Variants in NAE1 observed in about 807,000 individuals in gnomAD.
NAE1 encodes NEDD8 activating enzyme E1 subunit 1.
A neutral mutation model predicts 88.0 loss-of-function variants in NAE1; 59 were observed. The ratio of observed to expected loss-of-function variants is 0.67; its 90% CI spans 0.54 to 0.83. The LOEUF (loss-of-function observed/expected upper bound fraction) is 0.83, where lower values mean the gene tolerates loss of function less well. NAE1 is among the 40% of genes least tolerant of loss of function. NAE1 has a pLI of 0.00. For synonymous variants in NAE1, 186 were observed against 208.9 expected, an observed-to-expected ratio of 0.89 and a Z score of 0.95; for missense variants, 554 against 632.8, an observed-to-expected ratio of 0.88 and a Z score of 1.34.
At chr16:66,821,056 C>A (rs560075416) in intron 7 of NAE1, among the ~76,000 whole-genome samples, 1 of 151,946 alleles carries the variant, frequency 6.6e-6, no homozygotes, top group Admixed American at 6.6e-5. Context: ...GCAACAAGAG[C>A]GAAACTCTGT....
rs945048119 is a variant in NAE1, at chr16:66,805,936, A to G, written c.1421T>C (p.Val474Ala). Residue 474 changes from valine to alanine, a missense_variant, in exon 18 of 20, where the codon GTG becomes GCG. Transcript: ENST00000290810. The part of the protein sequence containing the change: ...FLQEYGLSVM[V>A]KDDYVHEFCR... ...CAATTCGTGGACATAATCATCTTTC[A>G]CCATTACAGATAAACCATATTCCTG... 3 of 1,612,336 alleles carry G rather than the reference A, an allele frequency of 1.9e-6. No individual in the cohort carries two copies. The highest frequency in any genetic ancestry group is 2.5e-6 in the Non-Finnish European group (3 of 1,179,508).
chr16:66,804,242 C>A (rs200814110), intron 19 of NAE1, among the ~76,000 whole-genome samples: 77 of 140,944 alleles, frequency 5.5e-4, no homozygotes, highest in Non-Finnish European at 6.9e-4. Context: ...AAGTAAAAAA[C>A]AAAAAAAAAA....
Position 66,818,518 on chromosome 16 carries a change from C to T in NAE1, c.621+10G>A, listed in dbSNP as rs1960138050. Reference sequence around the variant, plus strand: ...CTATCTGTAAATGTAAGGTCACACACACTACCAACCTTTTTTTCCATATGA... The same window carrying T: ...CTATCTGTAAATGTAAGGTCACACATACTACCAACCTTTTTTTCCATATGA... On this transcript the variant is annotated intron_variant, in intron 8 of 19. Coordinates refer to ENST00000290810, the MANE Select transcript of NAE1 (RefSeq NM_003905.4). The T allele has an allele frequency of 1.2e-6, 2 of 1,600,356 alleles. No homozygotes were observed. The highest frequency in any genetic ancestry group is 1.7e-5 in the Admixed American group (1 of 57,422).
intron 1 of NAE1, chr16:66,828,138 G>C (rs1960538554): frequency 8.2e-7 from 1 of 1,215,284 alleles, no homozygotes; most frequent in Non-Finnish European, 1.2e-6. Context: ...GCACGTAGAA[G>C]ACACCTGACA....
Position 66,803,659 on chromosome 16 carries a change from C to T in NAE1, c.1496-541G>A, listed in dbSNP as rs546459363. Among the ~76,000 whole-genome samples the T allele has an allele frequency of 9.2e-5, 14 of 151,396 alleles. No individual in the cohort carries two copies. The East Asian group carries it at 1.9e-3, about 21-fold the overall frequency. On this transcript the variant is annotated intron_variant, in intron 19 of 19. Transcript: ENST00000290810. ...AGGCTGGAGTGCAGTGGCGTGATCT[C>T]GGCTCACTGCAACCTCCTCCTCCCA...
intron 11 of NAE1, among the ~76,000 whole-genome samples, chr16:66,814,272 T>C (rs1051387223): frequency 6.6e-6 from 1 of 152,168 alleles, no homozygotes. Flanking sequence ...AGTAATTTTA[T>C]TGCTAGCAAG....
intron 15 of NAE1, among the ~76,000 whole-genome samples, chr16:66,809,815 C>T (rs1235738771): frequency 6.6e-6 from 1 of 152,052 alleles, no homozygotes; most frequent in Non-Finnish European, 1.5e-5. Flanking sequence ...GCAGTAGCTA[C>T]AGGGAGAAAT....
chr16:66,803,219 G>GT, intron 19 of NAE1, 101 bp from the exon 20 acceptor site: 1 of 754,646 alleles, frequency 1.3e-6, no homozygotes, highest in Non-Finnish European at 2.2e-6. Context: ...AAGCAAAGGT[G>GT]TTTTAAAGTG....
chr16:66,804,805 C>T (rs1672489507), intron 19 of NAE1, among the ~76,000 whole-genome samples: 1 of 117,062 alleles, frequency 8.5e-6, no homozygotes, highest in Non-Finnish European at 1.7e-5. Flanking sequence ...AGAGACTTCT[C>T]TTGCCATTTT....
intron 6 of NAE1, among the ~76,000 whole-genome samples, chr16:66,821,954 C>T (rs754939171): frequency 3.3e-4 from 50 of 152,212 alleles, no homozygotes; most frequent in South Asian, 6.2e-4. Context: ...ACTGCAGCCT[C>T]GACCTCCCAG....
At position 66,813,810 on chromosome 16, in the gene NAE1, G is replaced by A. The variant is rs542519560; in HGVS notation, c.877C>T (p.Arg293Cys). The A allele has an allele frequency of 5.2e-5, 84 of 1,613,622 alleles. No individual in the cohort carries two copies. Among genetic ancestry groups the A allele is most frequent in the Middle Eastern group, 1.6e-4 (1 of 6,082 alleles). The change falls in exon 12 of 20, where the codon CGC (arginine) becomes TGC (cysteine). Residue 293 changes from arginine to cysteine, a missense_variant. Coordinates refer to ENST00000290810, the MANE Select transcript of NAE1 (RefSeq NM_003905.4). Reference sequence around the variant, plus strand: ...ACCTGTTTGGTGATATTTATGCAGCGATCATCATTAAATATATCTTCAATA... The same window carrying A: ...ACCTGTTTGGTGATATTTATGCAGCAATCATCATTAAATATATCTTCAATA... ...SSIEDIFNDD[R>C]CINITKQTPS...
intron 1 of NAE1, 60 bp from the exon 2 acceptor site, chr16:66,826,840 T>C (rs1388618601): frequency 5.4e-6 from 8 of 1,482,250 alleles, no homozygotes; most frequent in African/African-American, 2.8e-5. Flanking sequence ...AGCTTTCTTA[T>C]TTGAATGGTG....
chr16:66,809,581 T>C (rs1162673617), intron 15 of NAE1, among the ~76,000 whole-genome samples: 4 of 152,156 alleles, frequency 2.6e-5, no homozygotes, highest in South Asian at 2.1e-4. Flanking sequence ...AATGTTCAAA[T>C]ACCCAGCATC....
At chr16:66,829,305 C>G (rs762040540) in intron 1 of NAE1, among the ~76,000 whole-genome samples, 5 of 152,172 alleles carry the variant, frequency 3.3e-5, no homozygotes, top group Non-Finnish European at 7.3e-5. Flanking sequence ...CACAAGAACT[C>G]CAAGAATTTA....
chr16:66,805,782 A>G lies in NAE1; in HGVS notation c.1490T>C (p.Leu497Ser), dbSNP rs1959539726. 1.3e-6 allele frequency: 2 copies of G among 1,498,914 alleles called. No homozygotes were observed. The highest frequency in any genetic ancestry group is 2.8e-5 in the African/African-American group (2 of 70,754). The allele number at this position is 1,498,914 out of a possible 1,614,324, so 92.9% of individuals were successfully genotyped here. ...TTCTCATATATGGAACTCACCCCCC[A>G]AGAATGCAGCAATGGTATGTGGCTC... Reference protein sequence around the residue: ...AAEPHTIAAFLGGAAAQEVIK... With the variant: ...AAEPHTIAAFSGGAAAQEVIK... Residue 497 changes from leucine (L) to serine (S), a missense_variant, in exon 19 of 20, where the codon TTG becomes TCG. Leu to Ser is a moderately radical substitution (Grantham distance 145). Transcript: ENST00000290810.
At chr16:66,818,409 C>T (rs372323093) in intron 8 of NAE1, 119 bp downstream of exon 8, 75 of 724,662 alleles carry the variant, frequency 1.0e-4, no homozygotes, top group Middle Eastern at 6.7e-4. Flanking sequence ...ATTGGGTAAT[C>T]GGGATGACAG....
chr16:66,830,889 A>T lies in NAE1; in HGVS notation c.11T>A (p.Leu4Gln). The T allele has an allele frequency of 2.6e-6, 4 of 1,536,218 alleles. No homozygotes were observed. The highest frequency in any genetic ancestry group is 3.5e-6 in the Non-Finnish European group (4 of 1,150,668). Reference protein sequence around the residue: MAQLGKLLKEQKYD... With the variant: MAQQGKLLKEQKYD... ...CTTCTGCTCCTTGAGCAGCTTTCCC[A>T]GCTGCGCCATGGCCGCGCCTGCCGC... is the stretch of plus-strand genomic sequence containing the variant. The change falls in exon 1 of 20, where the codon CTG becomes CAG. Residue 4 changes from leucine to glutamine, a missense_variant. By Grantham distance (113) the Leu-to-Gln change is moderately radical. Coordinates refer to ENST00000290810, the MANE Select transcript of NAE1 (RefSeq NM_003905.4).
intron 7 of NAE1, among the ~76,000 whole-genome samples, chr16:66,818,954 G>A (rs1341349345): frequency 3.9e-5 from 6 of 152,104 alleles, no homozygotes; most frequent in Admixed American, 6.5e-5. Flanking sequence ...GTGAGCCACC[G>A]TGCCCAGCTC....
At chr16:66,811,854 AC>A (rs1461439446) in intron 13 of NAE1, among the ~76,000 whole-genome samples, 1 of 152,206 alleles carries the variant, frequency 6.6e-6, no homozygotes, top group East Asian at 1.9e-4. Context: ...AGGACAACAA[AC>A]CAAGATTCGT....
Sources: gnomAD v4.1 joint callset for allele counts (sites outside exome capture counted in the v4.1 genomes callset) on GRCh38, gnomAD v4.1.1 for gene constraint, MANE v1.5 for transcripts, NCBI Gene and HGNC (gene_info 2026-07-23, HGNC 2026-07-21) for gene names.